ZNF385D: variants seen among roughly 807,000 people sequenced by gnomAD.
ZNF385D encodes the protein zinc finger protein 659.
A neutral mutation model predicts 35.8 loss-of-function variants in ZNF385D; 15 were observed. That is an observed-to-expected ratio of 0.42 (90% CI 0.28 to 0.64). The LOEUF (loss-of-function observed/expected upper bound fraction) is 0.64, where lower values mean the gene tolerates loss of function less well. Ranked by LOEUF, ZNF385D falls within the 30% of genes least tolerant of loss-of-function variation. The probability of loss-of-function intolerance (pLI) is 0.23; values close to 1 mark genes in which losing one functional copy is unlikely to be tolerated. For missense variants in ZNF385D, 474 were observed against 494.6 expected, an observed-to-expected ratio of 0.96 and a Z score of 0.39; for synonymous variants, 212 against 186.8, an observed-to-expected ratio of 1.13 and a Z score of -1.10.
chr3:22,190,532 A>G (rs185273642), intron 2 of ZNF385D, among the ~76,000 whole-genome samples: 3 of 152,314 alleles, frequency 2.0e-5, no homozygotes, highest in African/African-American at 4.8e-5. Context: ...AGCAGCCACA[A>G]GTTCATAAAG....
At chr3:22,244,940 G>A (rs567007633) in intron 2 of ZNF385D, among the ~76,000 whole-genome samples, 1 of 152,030 alleles carries the variant, frequency 6.6e-6, no homozygotes. Context: ...ATTTGTGCTA[G>A]AGGAGCTGTG....
intron 3 of ZNF385D, among the ~76,000 whole-genome samples, chr3:22,128,291 T>G (rs1703561765): frequency 6.6e-6 from 1 of 152,192 alleles, no homozygotes; most frequent in Non-Finnish European, 1.5e-5. Flanking sequence ...ATTTATTTCT[T>G]TTCTCTTGCT....
chr3:22,039,066 A>C (rs1698506609), intron 3 of ZNF385D, among the ~76,000 whole-genome samples: 1 of 151,814 alleles, frequency 6.6e-6, no homozygotes, highest in Admixed American at 6.6e-5. Flanking sequence ...ATGTAATGTT[A>C]GCAAAATAAT....
intron 2 of ZNF385D, among the ~76,000 whole-genome samples, chr3:22,194,596 T>C (rs9882332): frequency 0.62 from 94,298 of 151,664 alleles, 31,462 homozygotes; most frequent in African/African-American, 0.87. Context: ...ATTTGTGTAA[T>C]CACCAATAAA....
intron 2 of ZNF385D, among the ~76,000 whole-genome samples, chr3:22,185,123 C>T (rs187469901): frequency 1.7e-3 from 262 of 152,226 alleles, no homozygotes; most frequent in Middle Eastern, 6.8e-3. Flanking sequence ...AGAGAGCAAT[C>T]TACTTTACTC....
At position 21,619,506 on chromosome 3, in the gene ZNF385D, C is replaced by A. The variant is rs578181071; in HGVS notation, c.165+45380G>T. ...TAGGTATGTCTGTAGTCTTTACTTT[C>A]TAAATTCATAACCCATTATCCAACC... is the stretch of plus-strand genomic sequence containing the variant. On this transcript the variant is annotated intron_variant, in intron 2 of 7. Coordinates refer to ENST00000281523, the MANE Select transcript of ZNF385D (RefSeq NM_024697.3). Among the ~76,000 whole-genome samples the A allele has an allele frequency of 2.6e-5, 4 of 152,022 alleles. No homozygotes were observed. The South Asian group carries it at 8.3e-4, about 32-fold the overall frequency.
chr3:21,583,800 A>G (rs1224972132), intron 2 of ZNF385D, among the ~76,000 whole-genome samples: 1 of 150,824 alleles, frequency 6.6e-6, no homozygotes, highest in African/African-American at 2.4e-5. Context: ...TTATGTTATA[A>G]CTATACATAG....
At chr3:21,916,881 G>T (rs544669716) in intron 3 of ZNF385D, among the ~76,000 whole-genome samples, 81 of 152,212 alleles carry the variant, frequency 5.3e-4, no homozygotes, top group African/African-American at 1.9e-3. Flanking sequence ...TAACATTGAC[G>T]AATTACCCTA....
chr3:21,914,605 G>A (rs977387202), intron 3 of ZNF385D, among the ~76,000 whole-genome samples: 2 of 151,844 alleles, frequency 1.3e-5, no homozygotes, highest in Admixed American at 6.6e-5. Context: ...CTAGAAACAG[G>A]AGATTATGAT....
intron 3 of ZNF385D, among the ~76,000 whole-genome samples, chr3:22,070,858 A>T (rs1347547382): frequency 6.6e-6 from 1 of 152,186 alleles, no homozygotes; most frequent in African/African-American, 2.4e-5. Flanking sequence ...GCTTCAATTT[A>T]ATCACTTTTG....
chr3:21,677,055 G>A (rs1435599229), intron 1 of ZNF385D, among the ~76,000 whole-genome samples: 1 of 152,014 alleles, frequency 6.6e-6, no homozygotes, highest in Admixed American at 6.6e-5. Context: ...ATAAGGAAAG[G>A]GACATCTATA....
intron 3 of ZNF385D, among the ~76,000 whole-genome samples, chr3:21,808,947 G>T (rs899610996): frequency 6.6e-6 from 1 of 152,158 alleles, no homozygotes; most frequent in East Asian, 1.9e-4. Flanking sequence ...TACAGTTCTC[G>T]AAGGGCAACC....
chr3:22,061,625 C>G (rs753757411), intron 3 of ZNF385D, among the ~76,000 whole-genome samples: 1 of 152,166 alleles, frequency 6.6e-6, no homozygotes, highest in African/African-American at 2.4e-5. Context: ...TCTTGTCACT[C>G]TCTTTCAACA....
intron 1 of ZNF385D, among the ~76,000 whole-genome samples, chr3:21,727,287 C>A (rs2068806293): frequency 6.6e-6 from 1 of 152,026 alleles, no homozygotes; most frequent in African/African-American, 2.4e-5. Flanking sequence ...TCCAAAACAC[C>A]AAAAGCCATG....
rs75164994 is a variant in ZNF385D, at chr3:22,106,048, T to C, written c.325+62769A>G. 1.4e-3 allele frequency among the ~76,000 whole-genome samples: 209 copies of C among 152,176 alleles called. 2 individuals are homozygous for C. In the East Asian group the frequency reaches 0.019, roughly 14 times the overall value. ...ATCCCTAGCATATGCTTAGTCATTATTGATAGGATAAATCACCCCTAGGAC... is the reference window on the plus strand; with the variant it reads ...ATCCCTAGCATATGCTTAGTCATTACTGATAGGATAAATCACCCCTAGGAC... On this transcript the variant is annotated intron_variant, in intron 3 of 5. Coordinates refer to the ZNF385D transcript ENST00000494108.
At chr3:22,236,196 A>G (rs896465234) in intron 2 of ZNF385D, among the ~76,000 whole-genome samples, 4 of 152,196 alleles carry the variant, frequency 2.6e-5, no homozygotes, top group Non-Finnish European at 5.9e-5. Flanking sequence ...TATGATATAT[A>G]TGTATGTACA....
In ZNF385D at chr3:22,076,635, G is replaced by A. The variant is rs75532649; in HGVS notation, c.325+92182C>T. ...ACTATAAGCACAAGGACACGTCTGT[G>A]GTTCATAGTTTTATCCCTAGTATCT... On this transcript the variant is annotated intron_variant, in intron 3 of 5. Transcript: ENST00000494108. 3.5e-3 allele frequency among the ~76,000 whole-genome samples: 533 copies of A among 151,950 alleles called. 3 individuals carry two copies. Among genetic ancestry groups the A allele is most frequent in the African/African-American group, 0.012 (496 of 41,506 alleles).
chr3:21,714,231 T>C (rs936812427), intron 1 of ZNF385D, among the ~76,000 whole-genome samples: 5 of 152,152 alleles, frequency 3.3e-5, no homozygotes, highest in East Asian at 3.9e-4. Context: ...CTTCCTGCTG[T>C]CCAGTAAACA....
intron 2 of ZNF385D, among the ~76,000 whole-genome samples, chr3:22,367,737 A>G (rs1165028756): frequency 6.6e-6 from 1 of 152,170 alleles, no homozygotes; most frequent in African/African-American, 2.4e-5. Context: ...AAGCAAAGGA[A>G]AAAGAAGTCT....
Sources: gnomAD v4.1 joint callset for allele counts (sites outside exome capture counted in the v4.1 genomes callset) on GRCh38, gnomAD v4.1.1 for gene constraint, MANE v1.5 for transcripts, NCBI Gene and HGNC (gene_info 2026-07-23, HGNC 2026-07-21) for gene names.